The following TAF5L variants were observed in gnomAD, a reference collection of about 807,000 sequenced individuals.
TAF5L encodes TAF5-like RNA polymerase II p300/CBP-associated factor-associated factor 65 kDa subunit 5L.
In TAF5L, 7 loss-of-function variants were observed where a neutral mutation model predicts 51.3. The ratio of observed to expected loss-of-function variants is 0.14; its 90% CI spans 0.08 to 0.26. The LOEUF (loss-of-function observed/expected upper bound fraction) is 0.26. Ranked by LOEUF, TAF5L falls within the 10% of genes least tolerant of loss-of-function variation. The pLI is 1.00. For synonymous variants in TAF5L, 291 were observed against 308.1 expected (o/e 0.94, Z 0.58); for missense variants, 575 against 758.9 (o/e 0.76, Z 2.85).
chr1:229,619,087 TAA>T (rs1283409248), intron 1 of TAF5L, among the ~76,000 whole-genome samples: 3 of 152,226 alleles, frequency 2.0e-5, no homozygotes, highest in South Asian at 4.1e-4. Context: ...CATTTTTTTG[TAA>T]AGTGTCTACT....
rs1664437851 is a variant in TAF5L at position 229,602,848 on chromosome 1, G to A, written c.319C>T (p.Leu107=). 6.2e-7 allele frequency: 1 copy of A among 1,611,258 alleles called. No individual in the cohort carries two copies. Among genetic ancestry groups the A allele is most frequent in the Non-Finnish European group, 8.5e-7 (1 of 1,180,028 alleles). The change falls in exon 4 of 5, where the codon CTG becomes TTG. Residue 107 remains leucine, a synonymous_variant. Transcript: ENST00000258281. The surrounding 1 kb of genome is among the most constrained non-coding windows in gnomAD (Gnocchi z 4.6). ...GTGCTCTTCGGACTGTTTTGGACCA[G>A]GTTGAGATGGAGGTAGACAAAGAGA...
intron 4 of TAF5L, chr1:229,600,122 A>C (rs1314226860): frequency 2.0e-6 from 2 of 984,868 alleles, no homozygotes; most frequent in Non-Finnish European, 2.4e-6. Flanking sequence ...GGGAAAAAGA[A>C]AAGTCCAAAT....
chr1:229,600,735 C>T (rs988089759), intron 4 of TAF5L: 2 of 985,290 alleles, frequency 2.0e-6, no homozygotes, highest in African/African-American at 3.5e-5. Context: ...ACTTCTGATA[C>T]CCGGAAATAA....
chr1:229,618,170 GGA>G (rs1344025964), intron 1 of TAF5L, among the ~76,000 whole-genome samples: 3 of 152,142 alleles, frequency 2.0e-5, no homozygotes, highest in African/African-American at 7.2e-5. Context: ...CTAAGTCTCT[GGA>G]GAGACTCATA....
In TAF5L at chr1:229,594,684, C is replaced by T; in HGVS notation, c.1383G>A (p.Val461=). The change falls in exon 5 of 5, where the codon GTG becomes GTA. Residue 461 remains valine (V), a synonymous_variant. Coordinates refer to ENST00000258281, the Ensembl canonical transcript of TAF5L. The surrounding 1 kb of genome is among the most constrained non-coding windows in gnomAD (Gnocchi z 7.9). ...GGCCACGGTGGCCTGTGAAAAGCCT[C>T]ACCGAGTTCCCCTGCTGAGCGCTCC... 2 of 1,614,200 alleles carry T rather than the reference C, an allele frequency of 1.2e-6. No individual in the cohort carries two copies. Among genetic ancestry groups the T allele is most frequent in the South Asian group, 2.2e-5 (2 of 91,086 alleles).
At chr1:229,600,361 C>T in intron 4 of TAF5L, 1 of 985,382 alleles carries the variant, frequency 1.0e-6, no homozygotes, top group Non-Finnish European at 1.2e-6. Flanking sequence ...CTAGCATCTA[C>T]AGTACTTTCA....
At chr1:229,616,521 C>CATAAAAAATTA (rs1665010666) in intron 1 of TAF5L, among the ~76,000 whole-genome samples, 1 of 151,928 alleles carries the variant, frequency 6.6e-6, no homozygotes, top group African/African-American at 2.4e-5. Context: ...TTTCTTTAAA[C>CATAAAAAATTA]ATAAAAAAAT....
At position 229,602,075 on chromosome 1, in the gene TAF5L, G is replaced by T; in HGVS notation, c.972+120C>A. 6.6e-7 allele frequency: 1 copy of T among 1,510,260 alleles called. No homozygotes were observed. The allele number at this position is 1,510,260 out of a possible 1,614,324, so 93.6% of individuals were successfully genotyped here. A position where few individuals can be genotyped will look rare whatever the true frequency, so the allele number is the denominator to read the frequency against. On this transcript the variant is annotated intron_variant, in intron 4 of 4. Coordinates refer to ENST00000258281, the Ensembl canonical transcript of TAF5L. The surrounding 1 kb of genome is among the most constrained non-coding windows in gnomAD (Gnocchi z 4.6). ...GCTACAGGTAACATGTCATTAGTCT[G>T]GCTTTAGCTATATGATGAGGGAAAC...
At chr1:229,617,067 G>C (rs550903183) in intron 1 of TAF5L, among the ~76,000 whole-genome samples, 1 of 152,144 alleles carries the variant, frequency 6.6e-6, no homozygotes, top group South Asian at 2.1e-4. Flanking sequence ...TGATGACTTA[G>C]GTTACTTTTT....
In TAF5L at chr1:229,610,022, G is replaced by C. The variant is rs916892399; in HGVS notation, c.247+84C>G. On this transcript the variant is annotated intron_variant, in intron 3 of 4. Coordinates refer to ENST00000258281, the Ensembl canonical transcript of TAF5L. Reference sequence around the variant, plus strand: ...TTTTTACCGCTCCTTGTGGAGCAGGGCTAACTCACAAGCAGTGTGCCCAAA... The same window carrying C: ...TTTTTACCGCTCCTTGTGGAGCAGGCCTAACTCACAAGCAGTGTGCCCAAA... 10 of 1,116,236 alleles carry C rather than the reference G, an allele frequency of 9.0e-6. 1 individual carries two copies. The South Asian group carries it at 1.2e-4, about 14-fold the overall frequency. The allele number at this position is 1,116,236 out of a possible 1,614,324, so 69.1% of individuals were successfully genotyped here.
exon 3 of TAF5L, chr1:229,610,143 A>G (rs929437082): frequency 2.5e-6 from 4 of 1,614,048 alleles, no homozygotes; most frequent in African/African-American, 2.7e-5. Context: ...ACTGTACTTC[A>G]TATTGCTGGG....
At chr1:229,619,486 A>G (rs1038220817) in intron 1 of TAF5L, among the ~76,000 whole-genome samples, 2 of 152,204 alleles carry the variant, frequency 1.3e-5, no homozygotes, top group African/African-American at 4.8e-5. Context: ...CAGCAGTGGT[A>G]GAAAGTAGGT....
chr1:229,615,074 A>C (rs1231989442), intron 1 of TAF5L, among the ~76,000 whole-genome samples: 1 of 152,140 alleles, frequency 6.6e-6, no homozygotes, highest in African/African-American at 2.4e-5. Flanking sequence ...TTTTCATTTT[A>C]TTTTATTTCA....
intron 3 of TAF5L, chr1:229,606,851 C>T: frequency 1.0e-6 from 1 of 985,398 alleles, no homozygotes; most frequent in South Asian, 4.7e-5. Context: ...TAGGTGAGCT[C>T]ACAGAATCTC....
intron 1 of TAF5L, among the ~76,000 whole-genome samples, chr1:229,619,091 G>A (rs1057218901): frequency 1.3e-5 from 2 of 152,088 alleles, no homozygotes. Context: ...TTTTTGTAAA[G>A]TGTCTACTAG....
rs757697869 is a variant in TAF5L, at chr1:229,602,439, T to C, written c.728A>G (p.Gln243Arg). The C allele has an allele frequency of 1.9e-6, 3 of 1,614,050 alleles. No homozygotes were observed. Among genetic ancestry groups the C allele is most frequent in the Middle Eastern group, 1.6e-4 (1 of 6,084 alleles). Residue 243 changes from glutamine (Q) to arginine (R), a missense_variant, in exon 4 of 5, where the codon CAG becomes CGG. Physicochemically the swap from Gln to Arg is conservative, Grantham distance 43. Transcript: ENST00000258281. The surrounding 1 kb of genome is among the most constrained non-coding windows in gnomAD (Gnocchi z 4.6). ...ATCCTTGACTCGCTTAATGCTCTCC[T>C]GTAAGACCTCTAGGGCAGCCTCGTT...
At chr1:229,609,176 A>G (rs1188395394) in intron 3 of TAF5L, among the ~76,000 whole-genome samples, 1 of 152,214 alleles carries the variant, frequency 6.6e-6, no homozygotes, top group African/African-American at 2.4e-5. Context: ...AACAGACACA[A>G]AAGTAAATCA....
intron 3 of TAF5L, among the ~76,000 whole-genome samples, chr1:229,608,653 C>T (rs1664682256): frequency 6.6e-6 from 1 of 152,128 alleles, no homozygotes; most frequent in Non-Finnish European, 1.5e-5. Flanking sequence ...TGATATTAAT[C>T]TCTCCATGAC....
chr1:229,602,256 G>A lies in TAF5L; in HGVS notation c.911C>T (p.Ser304Leu), dbSNP rs1664404625. Residue 304 changes from serine (S) to leucine (L), a missense_variant, in exon 4 of 5, where the codon TCA becomes TTA. By Grantham distance (145) the Ser-to-Leu change is moderately radical. Transcript: ENST00000258281. This position sits in a 1 kb window ranked among gnomAD's most constrained non-coding sequence, Gnocchi z 4.6. ...GGACACGTCTACTTGGTGGGGCTCT[G>A]ATTTTAACTTCTTGGATCGTAAACT... 6.2e-7 allele frequency: 1 copy of A among 1,614,062 alleles called. No individual in the cohort carries two copies. The highest frequency in any genetic ancestry group is 1.3e-5 in the African/African-American group (1 of 74,926).
Sources: allele counts gnomAD v4.1 joint callset (sites outside exome capture counted in the v4.1 genomes callset), GRCh38; gene constraint gnomAD v4.1.1; non-coding constraint Gnocchi (gnomAD v3.1); transcripts MANE v1.5; gene names NCBI Gene and HGNC (gene_info 2026-07-23, HGNC 2026-07-21).